PHF24: variants seen among roughly 807,000 people sequenced by gnomAD.
PHF24 encodes the protein PHD finger protein 24.
In PHF24, 25 loss-of-function variants were observed where a neutral mutation model predicts 42.6. The observed-to-expected ratio is 0.59, with a 90% CI of 0.43 to 0.82. The LOEUF is 0.82. Ranked by LOEUF, PHF24 falls within the 40% of genes least tolerant of loss-of-function variation. The probability of loss-of-function intolerance (pLI) is 0.00; values close to 1 mark genes in which losing one functional copy is unlikely to be tolerated. For synonymous variants in PHF24, 185 were observed against 204.8 expected, an observed-to-expected ratio of 0.90 and a Z score of 0.83; for missense variants, 470 against 538.1, an observed-to-expected ratio of 0.87 and a Z score of 1.25.
At chr9:34,725,195 G>A in the PHF24 span, 1 of 1,505,836 alleles carries the variant, frequency 6.6e-7, no homozygotes, top group Middle Eastern at 1.7e-4. Context: ...TCCACATTTG[G>A]AGTCGATGTG....
chr9:34,778,774 A>G, the PHF24 span, among the ~76,000 whole-genome samples: 1 of 152,186 alleles, frequency 6.6e-6, no homozygotes, highest in Non-Finnish European at 1.5e-5. Flanking sequence ...GACCTAAGAG[A>G]CATCTATAGA....
the PHF24 span, among the ~76,000 whole-genome samples, chr9:34,754,938 A>C: frequency 6.6e-6 from 1 of 152,208 alleles, no homozygotes; most frequent in Non-Finnish European, 1.5e-5. Context: ...ATGTTAAGTG[A>C]AATAAGCCAT....
chr9:34,847,834 C>G, the PHF24 span, among the ~76,000 whole-genome samples: 1 of 152,242 alleles, frequency 6.6e-6, no homozygotes, highest in Middle Eastern at 3.4e-3. Context: ...TTGTCAAAGA[C>G]CTTTTCTGCA....
At chr9:34,928,844 C>T in the PHF24 span, among the ~76,000 whole-genome samples, 1 of 152,214 alleles carries the variant, frequency 6.6e-6, no homozygotes, top group African/African-American at 2.4e-5. Context: ...AACACTACCA[C>T]CAGAACTCTG....
chr9:34,790,688 A>G, the PHF24 span, among the ~76,000 whole-genome samples: 3 of 152,250 alleles, frequency 2.0e-5, no homozygotes, highest in Non-Finnish European at 2.9e-5. Context: ...ATAGTACTAT[A>G]TAATATGTCA....
At chr9:34,917,956 T>C in the PHF24 span, 24 of 1,530,702 alleles carry the variant, frequency 1.6e-5, no homozygotes, top group Non-Finnish European at 2.2e-5. Flanking sequence ...ACCAAGGCCA[T>C]GTGGGAGGAG....
the PHF24 span, among the ~76,000 whole-genome samples, chr9:34,697,671 T>C: frequency 6.6e-6 from 1 of 152,262 alleles, no homozygotes; most frequent in Non-Finnish European, 1.5e-5. Context: ...CCTTGGACTA[T>C]ACCTTGAATA....
At chr9:34,705,929 C>G in the PHF24 span, among the ~76,000 whole-genome samples, 1 of 152,056 alleles carries the variant, frequency 6.6e-6, no homozygotes, top group Non-Finnish European at 1.5e-5. Context: ...TATTTTATAC[C>G]TCGAAGTTAT....
chr9:34,908,842 CTTTT>C, the PHF24 span, among the ~76,000 whole-genome samples: 1 of 135,346 alleles, frequency 7.4e-6, no homozygotes, highest in Non-Finnish European at 1.6e-5. Context: ...CTTTTCTTTT[CTTTT>C]TTTTTTTTTT....
At chr9:34,706,007 A>G in the PHF24 span, among the ~76,000 whole-genome samples, 1 of 152,212 alleles carries the variant, frequency 6.6e-6, no homozygotes, top group Non-Finnish European at 1.5e-5. Flanking sequence ...ATCTCATATG[A>G]TGAAGAATTT....
chr9:34,814,885 C>T, the PHF24 span, among the ~76,000 whole-genome samples: 25 of 152,134 alleles, frequency 1.6e-4, no homozygotes, highest in African/African-American at 4.8e-4. Flanking sequence ...GGATTATAGG[C>T]GCCCGCCACC....
chr9:34,969,384 G>C (rs1039245530), intron 1 of PHF24, among the ~76,000 whole-genome samples: 1 of 151,138 alleles, frequency 6.6e-6, no homozygotes, highest in Non-Finnish European at 1.5e-5. Flanking sequence ...GCTCACGCCT[G>C]TAATCCCAGC....
the PHF24 span, among the ~76,000 whole-genome samples, chr9:34,722,437 G>A: frequency 3.8e-4 from 58 of 152,250 alleles, no homozygotes; most frequent in African/African-American, 1.3e-3. Flanking sequence ...AAACCAGTTC[G>A]TTTATTTTTG....
chr9:34,861,538 CAT>C, the PHF24 span, among the ~76,000 whole-genome samples: 2 of 152,108 alleles, frequency 1.3e-5, no homozygotes, highest in African/African-American at 4.8e-5. Flanking sequence ...ATCATGAAGA[CAT>C]ATCAAAAGGA....
At chr9:34,698,284 G>A in the PHF24 span, among the ~76,000 whole-genome samples, 1 of 152,110 alleles carries the variant, frequency 6.6e-6, no homozygotes, top group Non-Finnish European at 1.5e-5. Flanking sequence ...CTTCCTCCTA[G>A]TCAGTGTTTT....
At chr9:34,790,388 T>C in the PHF24 span, among the ~76,000 whole-genome samples, 1 of 152,250 alleles carries the variant, frequency 6.6e-6, no homozygotes, top group Admixed American at 6.5e-5. Flanking sequence ...GCAAGAAAGC[T>C]TTCTCTTCAT....
the PHF24 span, among the ~76,000 whole-genome samples, chr9:34,927,758 C>T: frequency 1.5e-4 from 23 of 152,240 alleles, no homozygotes; most frequent in East Asian, 4.3e-3. Flanking sequence ...TCCCCCACCA[C>T]ACTCCACCAC....
At chr9:34,695,706 G>C in the PHF24 span, among the ~76,000 whole-genome samples, 1 of 152,200 alleles carries the variant, frequency 6.6e-6, no homozygotes, top group African/African-American at 2.4e-5. Flanking sequence ...CTGTCTGCCA[G>C]ATAATTTCTT....
chr9:34,689,831 G>C, the PHF24 span: 1 of 1,614,194 alleles, frequency 6.2e-7, no homozygotes, highest in Non-Finnish European at 8.5e-7. This position sits in a 1 kb window ranked among gnomAD's most constrained non-coding sequence, Gnocchi z 4.1. Flanking sequence ...AACTGCTGCG[G>C]CGCTTCATCT....
Sources: gnomAD v4.1 joint callset for allele counts (sites outside exome capture counted in the v4.1 genomes callset) on GRCh38, gnomAD v4.1.1 for gene constraint, Gnocchi (gnomAD v3.1) non-coding constraint, MANE v1.5 for transcripts, NCBI Gene and HGNC (gene_info 2026-07-23, HGNC 2026-07-21) for gene names.